Variants in SBF2 observed in about 807,000 individuals in gnomAD.
The protein encoded by SBF2 is myotubularin-related protein 13.
In SBF2, 112 loss-of-function variants were observed where a neutral mutation model predicts 225.2. The ratio of observed to expected loss-of-function variants is 0.50; its 90% confidence interval spans 0.43 to 0.58. The LOEUF (loss-of-function observed/expected upper bound fraction) is 0.58. Ranked by LOEUF, SBF2 falls within the 20% of genes least tolerant of loss-of-function variation. The pLI, the probability that SBF2 is intolerant of heterozygous loss-of-function variation, is 0.00. For missense variants in SBF2, 1,996 were observed against 2,206.2 expected (o/e 0.90, Z 1.91); for synonymous variants, 763 against 773.3 (o/e 0.99, Z 0.22).
chr11:9,992,267 A>C (rs1042504951), intron 12 of SBF2, 148 bp downstream of exon 12: 1 of 587,016 alleles, frequency 1.7e-6, no homozygotes, highest in African/African-American at 1.9e-5. Context: ...TAAAATATCG[A>C]GATTTGATAA....
rs142518624 is a variant in SBF2 at position 10,234,656 on chromosome 11, TATCAAATGGTGGG to T, written c.56-40682_56-40670del. 5.3e-4 allele frequency among the ~76,000 whole-genome samples: 80 copies of T among 152,352 alleles called. 1 individual carries two copies. The highest frequency in any genetic ancestry group is 1.0e-3 in the Non-Finnish European group (68 of 68,030). ...GCTTTTATTTGTGTTACATCTACCC[TATCAAATGGTGGG>T]ATCAAAGATTATTCGGATTTAAATT... is the stretch of plus-strand genomic sequence containing the variant. On this transcript the variant is annotated intron_variant, in intron 1 of 39. Transcript: ENST00000256190.
intron 1 of SBF2, among the ~76,000 whole-genome samples, chr11:10,269,000 A>C (rs762994834): frequency 6.6e-6 from 1 of 152,188 alleles, no homozygotes; most frequent in Non-Finnish European, 1.5e-5. Flanking sequence ...TACCTCATTA[A>C]GTGATTTTTT....
rs149495649 is a variant in SBF2, at chr11:10,076,168, T to G, written c.142-33187A>C. 1.9e-3 allele frequency among the ~76,000 whole-genome samples: 290 copies of G among 152,298 alleles called. 1 individual carries two copies. The highest frequency in any genetic ancestry group is 3.4e-3 in the Non-Finnish European group (233 of 68,030). On this transcript the variant is annotated intron_variant, in intron 2 of 39. Coordinates refer to ENST00000256190, the MANE Select transcript of SBF2 (RefSeq NM_030962.4). ...AGTATCTTACAATACATATTTCTAC[T>G]AAGGAACGAGGCAATCCAGGCCACT...
chr11:10,173,172 AG>A (rs757729114), intron 2 of SBF2, among the ~76,000 whole-genome samples: 1 of 152,242 alleles, frequency 6.6e-6, no homozygotes, highest in Non-Finnish European at 1.5e-5. Context: ...ATGGCCGAAT[AG>A]GAACAGCTCT....
intron 33 of SBF2, among the ~76,000 whole-genome samples, chr11:9,792,207 G>T (rs1043261128): frequency 6.6e-6 from 1 of 152,072 alleles, no homozygotes; most frequent in Non-Finnish European, 1.5e-5. Flanking sequence ...TGACGTGGGC[G>T]GATCACTTGA....
At chr11:10,215,118 G>C (rs117954408) in intron 1 of SBF2, among the ~76,000 whole-genome samples, 3,725 of 152,218 alleles carry the variant, frequency 0.024, 75 homozygotes, top group South Asian at 0.092. Context: ...CAAACTACTA[G>C]CTCAGAGCCA....
chr11:10,205,709 G>A (rs1474146341), intron 1 of SBF2, among the ~76,000 whole-genome samples: 1 of 151,916 alleles, frequency 6.6e-6, no homozygotes, highest in Non-Finnish European at 1.5e-5. Flanking sequence ...TTCACTCCTG[G>A]CCCTGACTCC....
chr11:10,141,710 T>C (rs1319940692), intron 2 of SBF2, among the ~76,000 whole-genome samples: 1 of 152,188 alleles, frequency 6.6e-6, no homozygotes, highest in Non-Finnish European at 1.5e-5. Context: ...AAGTATAGGA[T>C]TGGAAATCCT....
chr11:10,059,315 A>T (rs1341400859), intron 2 of SBF2, among the ~76,000 whole-genome samples: 3 of 152,170 alleles, frequency 2.0e-5, no homozygotes, highest in African/African-American at 7.2e-5. Context: ...ATAAAAGCAT[A>T]GAGAAAGATC....
At chr11:10,172,689 T>C (rs964078853) in intron 2 of SBF2, among the ~76,000 whole-genome samples, 1 of 151,732 alleles carries the variant, frequency 6.6e-6, no homozygotes, top group African/African-American at 2.4e-5. Context: ...TTTTTTGAGA[T>C]GGCGTCTCAC....
At chr11:9,924,390 G>A (rs1863868145) in intron 16 of SBF2, among the ~76,000 whole-genome samples, 1 of 152,100 alleles carries the variant, frequency 6.6e-6, no homozygotes, top group South Asian at 2.1e-4. Flanking sequence ...GCTAAGCTAT[G>A]TTGTTCAGTA....
At chr11:9,954,008 T>A (rs1363894350) in intron 16 of SBF2, among the ~76,000 whole-genome samples, 1 of 152,218 alleles carries the variant, frequency 6.6e-6, no homozygotes, top group East Asian at 1.9e-4. Flanking sequence ...AAGGCCATGA[T>A]ATTTTTGGAG....
At chr11:9,984,675 A>G (rs761222366) in intron 13 of SBF2, among the ~76,000 whole-genome samples, 34 of 152,336 alleles carry the variant, frequency 2.2e-4, no homozygotes, top group Admixed American at 3.9e-4. Context: ...AAGAGCTATG[A>G]GACAGAAGCA....
Position 9,808,907 on chromosome 11 carries a change from A to C in SBF2, c.4251T>G (p.Thr1417=). The change falls in exon 31 of 40, where the codon ACT becomes ACG. Residue 1417 remains threonine, a synonymous_variant. Coordinates refer to ENST00000256190, the MANE Select transcript of SBF2 (RefSeq NM_030962.4). The stretch of plus-strand genomic sequence containing the variant: ...AATATGTCTAATAGTTTACTTGTGC[A>C]GTGATGTCCCAGCCTTCCTCCAAAC... ...LVCLEEGWDI[T]AQVTSLVQLL... is the part of the protein sequence containing the mutation. 3.1e-6 allele frequency: 5 copies of C among 1,607,452 alleles called. No homozygotes were observed. Among genetic ancestry groups the C allele is most frequent in the Non-Finnish European group, 4.3e-6 (5 of 1,173,936 alleles).
intron 2 of SBF2, among the ~76,000 whole-genome samples, chr11:10,113,107 C>T (rs182409237): frequency 6.6e-6 from 1 of 152,248 alleles, no homozygotes; most frequent in Admixed American, 6.5e-5. Flanking sequence ...GATCCTCCCA[C>T]ATCAGCCTCC....
At chr11:9,792,285 G>A (rs1361709812) in intron 33 of SBF2, among the ~76,000 whole-genome samples, 1 of 151,984 alleles carries the variant, frequency 6.6e-6, no homozygotes, top group Non-Finnish European at 1.5e-5. Flanking sequence ...ACAAAAATCA[G>A]CTGGGTGTGG....
chr11:10,060,046 G>A (rs79899450), intron 2 of SBF2, among the ~76,000 whole-genome samples: 134 of 152,216 alleles, frequency 8.8e-4, no homozygotes, highest in African/African-American at 3.1e-3. Flanking sequence ...CTAAACTGAA[G>A]GACACTGAGA....
chr11:10,116,452 T>A (rs1310110257), intron 2 of SBF2, among the ~76,000 whole-genome samples: 4 of 152,168 alleles, frequency 2.6e-5, no homozygotes, highest in African/African-American at 9.7e-5. Context: ...GATTTATGCA[T>A]CAGAAAAAAC....
At chr11:10,004,418 T>G (rs1292539429) in intron 6 of SBF2, among the ~76,000 whole-genome samples, 1 of 151,746 alleles carries the variant, frequency 6.6e-6, no homozygotes, top group Non-Finnish European at 1.5e-5. Context: ...AGTATAATAT[T>G]GAGTGAGGGT....
Sources: allele counts gnomAD v4.1 joint callset (sites outside exome capture counted in the v4.1 genomes callset), GRCh38; gene constraint gnomAD v4.1.1; transcripts MANE v1.5; gene names NCBI Gene and HGNC (gene_info 2026-07-23, HGNC 2026-07-21).